The following EXOC3L2 variants were observed in gnomAD, a reference collection of about 807,000 sequenced individuals.
EXOC3L2 encodes the protein exocyst complex component 3 like 2, also known as exocyst complex component 3-like protein 2.
Under a neutral mutation model 44.4 loss-of-function variants are expected in EXOC3L2, and 17 were observed. The ratio of observed to expected loss-of-function variants is 0.38; its 90% CI spans 0.26 to 0.57. The LOEUF is 0.57. EXOC3L2 is among the 20% of genes least tolerant of loss of function. The pLI, the probability that EXOC3L2 is intolerant of heterozygous loss-of-function variation, is 0.65. For synonymous variants in EXOC3L2, 256 were observed against 253.7 expected, an observed-to-expected ratio of 1.01 and a Z score of -0.09; for missense variants, 541 against 588.4, an observed-to-expected ratio of 0.92 and a Z score of 0.83.
At chr19:45,233,827 G>A (rs971338045) in intron 3 of EXOC3L2, among the ~76,000 whole-genome samples, 1 of 152,154 alleles carries the variant, frequency 6.6e-6, no homozygotes, top group Non-Finnish European at 1.5e-5. Context: ...AAGTAGCAAC[G>A]CAAAGGTTCT....
chr19:45,212,470 G>C lies in EXOC3L2; in HGVS notation c.*599C>G, dbSNP rs1256116776. ...GTGAGGGAAAGGGGCGGGGGAGCTG[G>C]GATATTTCTGTAGAGACTTCCAGAA... On this transcript the variant is annotated 3_prime_UTR_variant, in exon 12 of 12. Transcript: ENST00000413988. Among the ~76,000 whole-genome samples, 1 of 152,148 alleles carries C rather than the reference G, an allele frequency of 6.6e-6. No homozygotes were observed. The highest frequency in any genetic ancestry group is 6.6e-5 in the Admixed American group (1 of 15,258).
intron 7 of EXOC3L2, 42 bp downstream of exon 7, chr19:45,227,620 C>T (rs776949867): frequency 6.4e-7 from 1 of 1,558,032 alleles, no homozygotes. Context: ...CAGCTTCCAC[C>T]TTGGATTGGT....
At chr19:45,224,146 T>G (rs961441763) in intron 8 of EXOC3L2, among the ~76,000 whole-genome samples, 12 of 67,714 alleles carry the variant, frequency 1.8e-4, no homozygotes, top group East Asian at 3.6e-4. Flanking sequence ...GTGGCTGGAG[T>G]GGGATTAGTG....
intron 8 of EXOC3L2, among the ~76,000 whole-genome samples, chr19:45,221,644 CTTTTTTT>C (rs373572170): frequency 5.4e-5 from 5 of 91,834 alleles, no homozygotes; most frequent in Non-Finnish European, 4.6e-5. Flanking sequence ...CCCAGCAGGG[CTTTTTTT>C]TTTTTTTTTT....
chr19:45,219,172 C>G (rs988823309), intron 8 of EXOC3L2, among the ~76,000 whole-genome samples: 2 of 151,842 alleles, frequency 1.3e-5, no homozygotes, highest in African/African-American at 4.8e-5. Context: ...GAGATCACAC[C>G]ACTGCACTCC....
At position 45,218,334 on chromosome 19, in the gene EXOC3L2, G is replaced by A. The variant is rs1969860270; in HGVS notation, c.1720-15C>T. On this transcript the variant is annotated splice_polypyrimidine_tract_variant and intron_variant, in intron 8 of 11. Coordinates refer to ENST00000413988, the MANE Select transcript of EXOC3L2 (RefSeq NM_001382422.1). ...TTGAAGTGTGGCTGGCAGGGACAGA[G>A]TAGGGGGTCACGCTCTCCTCCCTCC... 1.9e-6 allele frequency: 3 copies of A among 1,586,806 alleles called. No individual in the cohort carries two copies. Among genetic ancestry groups the A allele is most frequent in the Non-Finnish European group, 2.6e-6 (3 of 1,164,372 alleles).
At position 45,213,270 on chromosome 19, in the gene EXOC3L2, C is replaced by T. The variant is rs1329446805; in HGVS notation, c.2208G>A (p.Leu736=). 3 of 1,613,646 alleles carry T rather than the reference C, an allele frequency of 1.9e-6. No homozygotes were observed. The highest frequency in any genetic ancestry group is 2.7e-5 in the African/African-American group (2 of 74,884). ...RQEILAVARD[L]ELSEEGALSP... ...ACAGGGCTCCCTCCTCAGAGAGTTCCAGGTCCCGGGCCACGGCCAGGATCT... is the reference window on the plus strand; with the variant it reads ...ACAGGGCTCCCTCCTCAGAGAGTTCTAGGTCCCGGGCCACGGCCAGGATCT... The change falls in exon 12 of 12, where the codon CTG becomes CTA. Residue 736 remains leucine (L), a synonymous_variant. Transcript: ENST00000413988.
intron 8 of EXOC3L2, among the ~76,000 whole-genome samples, chr19:45,221,036 GC>G (rs1477274438): frequency 1.4e-5 from 2 of 144,676 alleles, no homozygotes; most frequent in East Asian, 4.5e-4. Flanking sequence ...TGAGACAGGG[GC>G]GGGGGGAGGG....
chr19:45,213,377 C>T lies in EXOC3L2; in HGVS notation c.2121-20G>A. ...TTCTGCCTGTGGGGAGAGGAACAGACAGGTGCATGCAGATCCCCAGCTCTA... is the reference window on the plus strand; with the variant it reads ...TTCTGCCTGTGGGGAGAGGAACAGATAGGTGCATGCAGATCCCCAGCTCTA... On this transcript the variant is annotated intron_variant, in intron 11 of 11. Coordinates refer to ENST00000413988, the MANE Select transcript of EXOC3L2 (RefSeq NM_001382422.1). 6 of 1,610,688 alleles carry T rather than the reference C, an allele frequency of 3.7e-6. No homozygotes were observed. The highest frequency in any genetic ancestry group is 5.1e-6 in the Non-Finnish European group (6 of 1,178,888).
intron 8 of EXOC3L2, 106 bp from the exon 9 acceptor site, chr19:45,218,425 G>C (rs755912725): frequency 3.0e-6 from 4 of 1,344,166 alleles, no homozygotes; most frequent in Non-Finnish European, 3.9e-6. Flanking sequence ...AGGGCTGTGC[G>C]GTGCTGGGAA....
chr19:45,240,992 C>A (rs912541700), intron 1 of EXOC3L2, among the ~76,000 whole-genome samples: 1 of 152,206 alleles, frequency 6.6e-6, no homozygotes, highest in Non-Finnish European at 1.5e-5. Flanking sequence ...GTGGCCAGGG[C>A]AGCCCCCATC....
chr19:45,223,828 C>T (rs757629036), intron 8 of EXOC3L2, among the ~76,000 whole-genome samples: 1 of 151,626 alleles, frequency 6.6e-6, no homozygotes, highest in Non-Finnish European at 1.5e-5. Context: ...ACCATCTCTA[C>T]TAAAAATACA....
chr19:45,228,534 G>A (rs996157047), intron 4 of EXOC3L2, among the ~76,000 whole-genome samples: 3 of 152,150 alleles, frequency 2.0e-5, no homozygotes, highest in African/African-American at 4.8e-5. Flanking sequence ...CTCTTTGGGA[G>A]GCTGAGGTTG....
At chr19:45,222,202 T>C (rs1241687758) in intron 8 of EXOC3L2, among the ~76,000 whole-genome samples, 1 of 114,776 alleles carries the variant, frequency 8.7e-6, no homozygotes, top group Admixed American at 8.1e-5. Flanking sequence ...TTTTCTCTCC[T>C]TTTTTTTTTT....
At chr19:45,218,158 T>TGCCG in intron 9 of EXOC3L2, 39 bp downstream of exon 9, 2 of 1,034,906 alleles carry the variant, frequency 1.9e-6, no homozygotes, top group Non-Finnish European at 2.7e-6. Context: ...TCCCCTCTTT[T>TGCCG]CCCCCACCCC....
At chr19:45,215,873 C>T (rs1242649151) in intron 11 of EXOC3L2, among the ~76,000 whole-genome samples, 200 bp downstream of exon 11, 1 of 152,164 alleles carries the variant, frequency 6.6e-6, no homozygotes, top group Non-Finnish European at 1.5e-5. Flanking sequence ...GCCCTGGTGG[C>T]GGTGGCGGCG....
chr19:45,230,822 T>C (rs774488416), intron 4 of EXOC3L2, among the ~76,000 whole-genome samples: 2 of 151,804 alleles, frequency 1.3e-5, no homozygotes, highest in Non-Finnish European at 2.9e-5. Context: ...GGGTGACTCA[T>C]GCTTATACTC....
In EXOC3L2 at chr19:45,213,115, G is replaced by A; in HGVS notation, c.2363C>T (p.Pro788Leu). 1 of 1,552,946 alleles carries A rather than the reference G, an allele frequency of 6.4e-7. No individual in the cohort carries two copies. The highest frequency in any genetic ancestry group is 8.7e-7 in the Non-Finnish European group (1 of 1,153,188). ...CGCTAGAGACGGAGGCCGGGGCCGA[G>A]GCAGACAGGCCAAACTGGGCCTGGC... Reference protein sequence around the residue: ...RLARPSLACLPRPRPPSLARP... With the variant: ...RLARPSLACLLRPRPPSLARP... The change falls in exon 12 of 12, where the codon CCT becomes CTT. Residue 788 changes from proline to leucine, a missense_variant. Physicochemically the swap from Pro to Leu is moderately conservative, Grantham distance 98. Transcript: ENST00000413988.
At chr19:45,239,345 G>A (rs1285099230) in intron 1 of EXOC3L2, among the ~76,000 whole-genome samples, 5 of 150,500 alleles carry the variant, frequency 3.3e-5, no homozygotes, top group African/African-American at 1.2e-4. Flanking sequence ...AGCCTCCTGA[G>A]TAGCTGGGAC....
Sources: allele counts gnomAD v4.1 joint callset (sites outside exome capture counted in the v4.1 genomes callset), GRCh38; gene constraint gnomAD v4.1.1; transcripts MANE v1.5; gene names NCBI Gene and HGNC (gene_info 2026-07-23, HGNC 2026-07-21).